SULT1B1: variants seen among roughly 807,000 people sequenced by gnomAD.
SULT1B1 encodes sulfotransferase family 1B member 1, also known as sulfotransferase 1B1.
In SULT1B1, 28 loss-of-function variants were observed where a neutral mutation model predicts 34.6. The observed-to-expected ratio is 0.81, with a 90% CI of 0.60 to 1.11. The LOEUF (loss-of-function observed/expected upper bound fraction) is 1.11. Among genes scored for constraint, SULT1B1 ranks in the 50% least tolerant of loss-of-function variants. The pLI, the probability that SULT1B1 is intolerant of heterozygous loss-of-function variation, is 0.00. For synonymous variants in SULT1B1, 147 were observed against 110.2 expected (o/e 1.33, Z -2.09); for missense variants, 374 against 352.2 (o/e 1.06, Z -0.50).
intron 4 of SULT1B1, among the ~76,000 whole-genome samples, chr4:69,746,960 GGGACCAA>G (rs1197304647): frequency 3.3e-5 from 5 of 152,112 alleles, no homozygotes; most frequent in Admixed American, 3.3e-4. Context: ...ATGCTTTTAG[GGGACCAA>G]GGCTTAATTC....
chr4:69,735,661 G>T (rs918311037), intron 4 of SULT1B1, among the ~76,000 whole-genome samples: 1 of 152,132 alleles, frequency 6.6e-6, no homozygotes, highest in East Asian at 1.9e-4. Flanking sequence ...CAGCAGGGAT[G>T]GTACAGTATG....
At chr4:69,756,138 T>A (rs1719181332) in intron 1 of SULT1B1, among the ~76,000 whole-genome samples, 1 of 152,190 alleles carries the variant, frequency 6.6e-6, no homozygotes, top group African/African-American at 2.4e-5. Flanking sequence ...TCAATATGTT[T>A]ATTTTTTTGT....
At chr4:69,758,489 T>A in intron 1 of SULT1B1, 1 of 984,836 alleles carries the variant, frequency 1.0e-6, no homozygotes, top group Non-Finnish European at 1.2e-6. Flanking sequence ...TCCCAAATTA[T>A]CTAAAGGGAA....
At chr4:69,734,863 G>T (rs1718237584) in intron 4 of SULT1B1, among the ~76,000 whole-genome samples, 1 of 138,736 alleles carries the variant, frequency 7.2e-6, no homozygotes, top group African/African-American at 2.8e-5. Context: ...CTGTCGCCCA[G>T]GCTGGAGTGC....
In SULT1B1 at chr4:69,723,849, A is replaced by G. The variant is rs1292594199; in HGVS notation, c.*3239T>C. On this transcript the variant is annotated 3_prime_UTR_variant, in exon 8 of 8. Transcript: ENST00000310613. ...AGCCTTCATGCTAAAAACTCTCAAT[A>G]AATTAGGTATTGATGGAATGTATCT... The G allele has an allele frequency of 1.3e-5, 2 of 152,340 alleles. No individual in the cohort carries two copies. The highest frequency in any genetic ancestry group is 2.4e-5 in the African/African-American group (1 of 41,578). The allele number at this position is 152,340 out of a possible 1,614,324, so 9.4% of individuals were successfully genotyped here.
chr4:69,755,486 T>G (rs1727813278), intron 1 of SULT1B1, among the ~76,000 whole-genome samples: 1 of 152,158 alleles, frequency 6.6e-6, no homozygotes, highest in African/African-American at 2.4e-5. Flanking sequence ...TGGAAAGAAA[T>G]GAAACTGCAT....
At chr4:69,758,565 C>T (rs1719277945) in intron 1 of SULT1B1, 1 of 717,658 alleles carries the variant, frequency 1.4e-6, no homozygotes, top group Non-Finnish European at 1.7e-6. Context: ...ATAAATGAGT[C>T]TCTATTCATC....
chr4:69,726,428 G>C lies in SULT1B1; in HGVS notation c.*660C>G, dbSNP rs1345924918. 1 of 151,920 alleles carries C rather than the reference G, an allele frequency of 6.6e-6. No individual in the cohort carries two copies. Among genetic ancestry groups the C allele is most frequent in the Non-Finnish European group, 1.5e-5 (1 of 67,954 alleles). 9.4% of individuals were successfully genotyped at this position (151,920 alleles called of 1,614,324 possible). A position where few individuals can be genotyped will look rare whatever the true frequency, so the allele number is the denominator to read the frequency against. ...TCACAGCCCTCAGGGCTGCTTTTCAGAACAGAGCTCCAGTTCCCAGGTAAC... is the reference window on the plus strand; with the variant it reads ...TCACAGCCCTCAGGGCTGCTTTTCACAACAGAGCTCCAGTTCCCAGGTAAC... On this transcript the variant is annotated 3_prime_UTR_variant, in exon 8 of 8. Coordinates refer to ENST00000310613, the MANE Select transcript of SULT1B1 (RefSeq NM_014465.4).
At chr4:69,759,866 G>A (rs1269311769) in intron 1 of SULT1B1, among the ~76,000 whole-genome samples, 3 of 152,062 alleles carry the variant, frequency 2.0e-5, no homozygotes, top group African/African-American at 7.2e-5. Flanking sequence ...GTCTAAAATT[G>A]ACTTTAAGGA....
intron 4 of SULT1B1, among the ~76,000 whole-genome samples, chr4:69,736,934 G>A (rs1578052621): frequency 6.6e-6 from 1 of 151,910 alleles, no homozygotes; most frequent in South Asian, 2.1e-4. Flanking sequence ...AACTGAAACA[G>A]TATTTGGAGA....
At chr4:69,739,938 C>T (rs1718476687) in intron 4 of SULT1B1, among the ~76,000 whole-genome samples, 1 of 152,144 alleles carries the variant, frequency 6.6e-6, no homozygotes. Flanking sequence ...CATCTAAGAC[C>T]ACCTCAGCCT....
chr4:69,736,352 C>T (rs1009295262), intron 4 of SULT1B1, among the ~76,000 whole-genome samples: 1 of 152,226 alleles, frequency 6.6e-6, no homozygotes, highest in African/African-American at 2.4e-5. Context: ...ACAAGACACA[C>T]TGAGACATAC....
At chr4:69,747,908 C>T (rs139539542) in intron 4 of SULT1B1, among the ~76,000 whole-genome samples, 1 of 152,234 alleles carries the variant, frequency 6.6e-6, no homozygotes, top group Non-Finnish European at 1.5e-5. Context: ...TGCATTCTCC[C>T]TCTATTCACC....
chr4:69,736,803 TAAC>T (rs1718336745), intron 4 of SULT1B1, among the ~76,000 whole-genome samples: 1 of 151,988 alleles, frequency 6.6e-6, no homozygotes, highest in African/African-American at 2.4e-5. Flanking sequence ...TACTCAATGT[TAAC>T]AACACAGAGA....
At chr4:69,758,865 A>G (rs756514658) in intron 1 of SULT1B1, among the ~76,000 whole-genome samples, 6 of 152,164 alleles carry the variant, frequency 3.9e-5, no homozygotes, top group Non-Finnish European at 8.8e-5. Flanking sequence ...ATTGATTTAC[A>G]GTTTCTATTC....
rs559490935 is a variant in SULT1B1 at position 69,721,872 on chromosome 4, T to A, written c.*5216A>T. The A allele has an allele frequency of 6.6e-6, 1 of 152,244 alleles. No individual in the cohort carries two copies. The highest frequency in any genetic ancestry group is 1.9e-4 in the East Asian group (1 of 5,186). The allele number at this position is 152,244 out of a possible 1,614,324, so 9.4% of individuals were successfully genotyped here. Reference sequence around the variant, plus strand: ...GTTATCACTGTCCTTACATCATGGTTCTGTTAGAGAAAGATTGTAATATGA... The same window carrying A: ...GTTATCACTGTCCTTACATCATGGTACTGTTAGAGAAAGATTGTAATATGA... On this transcript the variant is annotated 3_prime_UTR_variant, in exon 8 of 8. Transcript: ENST00000310613.
At chr4:69,733,131 A>T (rs1477724715) in intron 6 of SULT1B1, among the ~76,000 whole-genome samples, 1 of 152,176 alleles carries the variant, frequency 6.6e-6, no homozygotes, top group African/African-American at 2.4e-5. Context: ...ATCTAAGGAT[A>T]ACTGTAAGCA....
rs928939096 is a variant in SULT1B1 at position 69,725,494 on chromosome 4, C to A, written c.*1594G>T. On this transcript the variant is annotated 3_prime_UTR_variant, in exon 8 of 8. Transcript: ENST00000310613. ...CTCAGAGATCTAGAACTAGAAATAC[C>A]ATTTGACCCAGCCATCCCATTACTG... 1 of 152,088 alleles carries A rather than the reference C, an allele frequency of 6.6e-6. No individual in the cohort carries two copies. Among genetic ancestry groups the A allele is most frequent in the Non-Finnish European group, 1.5e-5 (1 of 68,012 alleles). The allele number at this position is 152,088 out of a possible 1,614,324, so 9.4% of individuals were successfully genotyped here. A position where few individuals can be genotyped will look rare whatever the true frequency, so the allele number is the denominator to read the frequency against.
At position 69,755,100 on chromosome 4, in the gene SULT1B1, C is replaced by T; in HGVS notation, c.118G>A (p.Asp40Asn). Residue 40 changes from aspartate (D) to asparagine (N), a missense_variant, in exon 2 of 8, where the codon GAC (aspartate) becomes AAC (asparagine). Coordinates refer to ENST00000310613, the MANE Select transcript of SULT1B1 (RefSeq NM_014465.4). ...TTAGGATAAGTGGCTATCACAATGT[C>T]ATCTGGTCTGCTATGGAACTGTTCA... ...KIEQFHSRPD[D>N]IVIATYPKSG... 1.9e-6 allele frequency: 3 copies of T among 1,613,836 alleles called. No homozygotes were observed. Among genetic ancestry groups the T allele is most frequent in the Non-Finnish European group, 2.5e-6 (3 of 1,179,772 alleles).
Sources: allele counts gnomAD v4.1 joint callset (sites outside exome capture counted in the v4.1 genomes callset), GRCh38; gene constraint gnomAD v4.1.1; transcripts MANE v1.5; gene names NCBI Gene and HGNC (gene_info 2026-07-23, HGNC 2026-07-21).